The following ELAPOR1 variants were observed in gnomAD, a reference collection of about 807,000 sequenced individuals.
The protein encoded by ELAPOR1 is endosome/lysosome-associated apoptosis and autophagy regulator 1.
A neutral mutation model predicts 119.7 loss-of-function variants in ELAPOR1; 77 were observed. The ratio of observed to expected loss-of-function variants is 0.64; its 90% confidence interval spans 0.54 to 0.78. The LOEUF (loss-of-function observed/expected upper bound fraction) is 0.78. Ranked by LOEUF, ELAPOR1 falls within the 30% of genes least tolerant of loss-of-function variation. The pLI, the probability that ELAPOR1 is intolerant of heterozygous loss-of-function variation, is 0.00. For synonymous variants in ELAPOR1, 481 were observed against 487.2 expected, an observed-to-expected ratio of 0.99 and a Z score of 0.17; for missense variants, 1,115 against 1,270.4, an observed-to-expected ratio of 0.88 and a Z score of 1.86.
chr1:109,132,624 T>A (rs1649218547), intron 1 of ELAPOR1, among the ~76,000 whole-genome samples: 1 of 152,182 alleles, frequency 6.6e-6, no homozygotes, highest in Non-Finnish European at 1.5e-5. Flanking sequence ...TCTGAGACAA[T>A]GATAACTGAG....
At chr1:109,191,124 C>T (rs907832581) in intron 11 of ELAPOR1, among the ~76,000 whole-genome samples, 8 of 152,076 alleles carry the variant, frequency 5.3e-5, no homozygotes, top group African/African-American at 1.9e-4. Flanking sequence ...TTCAGGTCTC[C>T]CCGCGATGAT....
rs545666135 is a variant in ELAPOR1 at position 109,196,709 on chromosome 1, A to C, written c.2122-765A>C. 2.0e-5 allele frequency among the ~76,000 whole-genome samples: 3 copies of C among 147,462 alleles called. No homozygotes were observed. The East Asian group carries it at 5.9e-4, about 29-fold the overall frequency. ...AGCACTTTTTTTTTTTTTGAGGTGG[A>C]GTCTCACTCTTTTGCCAGGCTAGAG... On this transcript the variant is annotated intron_variant, in intron 15 of 21. Transcript: ENST00000369939.
intron 7 of ELAPOR1, among the ~76,000 whole-genome samples, chr1:109,176,995 A>G (rs1305931667): frequency 1.4e-5 from 2 of 138,774 alleles, no homozygotes; most frequent in Non-Finnish European, 3.0e-5. Flanking sequence ...AAAGTCTCCC[A>G]TGTCTACCTC....
At chr1:109,197,395 A>T (rs1653875127) in intron 15 of ELAPOR1, 79 bp from the exon 16 acceptor site, 3 of 1,246,098 alleles carry the variant, frequency 2.4e-6, no homozygotes, top group Admixed American at 3.9e-5. Flanking sequence ...GATGTAAAAA[A>T]GCCTTCCCTA....
At chr1:109,115,326 G>A (rs1558009568) in intron 1 of ELAPOR1, among the ~76,000 whole-genome samples, 3 of 152,198 alleles carry the variant, frequency 2.0e-5, no homozygotes, top group Non-Finnish European at 2.9e-5. Flanking sequence ...TCTGTGAAAT[G>A]TGAAGGACTT....
Position 109,171,862 on chromosome 1 carries a change from A to C in ELAPOR1, c.468-4A>C. On this transcript the variant is annotated splice_region_variant and splice_polypyrimidine_tract_variant and intron_variant, in intron 3 of 21. Coordinates refer to ENST00000369939, the MANE Select transcript of ELAPOR1 (RefSeq NM_020775.5). Reference sequence around the variant, plus strand: ...CTGTGAACCTGGTTCCTGTTCCTTCACAGGTCCAAGTGGGTTCCCCGGGGC... The same window carrying C: ...CTGTGAACCTGGTTCCTGTTCCTTCCCAGGTCCAAGTGGGTTCCCCGGGGC... The C allele has an allele frequency of 6.2e-7, 1 of 1,614,102 alleles. No individual in the cohort carries two copies. Among genetic ancestry groups the C allele is most frequent in the South Asian group, 1.1e-5 (1 of 91,078 alleles).
intron 5 of ELAPOR1, among the ~76,000 whole-genome samples, chr1:109,173,097 C>CAAAAAAAAAAAAAAAAAAA (rs58149393): frequency 1.1e-5 from 1 of 91,938 alleles, no homozygotes. Flanking sequence ...AACTCTGTCT[C>CAAAAAAAAAAAAAAAAAAA]AAAAAAAAAA....
rs575058109 is a variant in ELAPOR1, at chr1:109,188,280, G to A, written c.1145G>A (p.Cys382Tyr). ...ASGVKTHCPPCNPGFFKTNNS... is the reference protein window; with the variant it reads ...ASGVKTHCPPYNPGFFKTNNS... ...GGTGTGAAGACCCACTGCCCACCCT[G>A]CAACCCAGGCTTCTTCAAAACCAAC... The change falls in exon 9 of 22, where the codon TGC becomes TAC. Residue 382 changes from cysteine (C) to tyrosine (Y), a missense_variant. Cys to Tyr is a radical substitution (Grantham distance 194, BLOSUM62 -2). Transcript: ENST00000369939. The A allele has an allele frequency of 6.2e-7, 1 of 1,614,172 alleles. No individual in the cohort carries two copies. The highest frequency in any genetic ancestry group is 1.3e-5 in the African/African-American group (1 of 75,048).
rs1654345269 is a variant in ELAPOR1, at chr1:109,203,987, A to C, written c.*975A>C. The C allele has an allele frequency of 6.6e-6, 1 of 152,102 alleles. No individual in the cohort carries two copies. Among genetic ancestry groups the C allele is most frequent in the African/African-American group, 2.4e-5 (1 of 41,404 alleles). The allele number at this position is 152,102 out of a possible 1,614,324, so 9.4% of individuals were successfully genotyped here. Reference sequence around the variant, plus strand: ...CACCTAGGCTGGAGTGCAGTGGCATAATCACTGTTCAGTGCAGCCTCAAGC... The same window carrying C: ...CACCTAGGCTGGAGTGCAGTGGCATCATCACTGTTCAGTGCAGCCTCAAGC... On this transcript the variant is annotated 3_prime_UTR_variant, in exon 22 of 22. Transcript: ENST00000369939.
At chr1:109,198,529 A>G (rs1238027004) in intron 17 of ELAPOR1, 44 bp from the exon 18 acceptor site, 1 of 1,535,920 alleles carries the variant, frequency 6.5e-7, no homozygotes, top group Non-Finnish European at 8.9e-7. Context: ...CCAATAACAC[A>G]GCTGAGTGAC....
chr1:109,159,364 C>T lies in ELAPOR1; in HGVS notation c.154-2530C>T, dbSNP rs116113561. 6.4e-3 allele frequency among the ~76,000 whole-genome samples: 973 copies of T among 152,308 alleles called. 8 individuals are homozygous for T. The highest frequency in any genetic ancestry group is 0.022 in the African/African-American group (909 of 41,570). Reference sequence around the variant, plus strand: ...ACCACCATTTCCTCAGCAAACCTCCCACCTGAGTGAGACCCAGGGGACATC... The same window carrying T: ...ACCACCATTTCCTCAGCAAACCTCCTACCTGAGTGAGACCCAGGGGACATC... On this transcript the variant is annotated intron_variant, in intron 1 of 21. Transcript: ENST00000369939.
chr1:109,136,431 G>A (rs1165249269), intron 1 of ELAPOR1, among the ~76,000 whole-genome samples: 2 of 152,126 alleles, frequency 1.3e-5, no homozygotes, highest in Admixed American at 6.5e-5. Context: ...TGTGGCTTCC[G>A]AAGGAACCAG....
rs745433683 is a variant in ELAPOR1, at chr1:109,164,509, C to T, written c.285C>T (p.Cys95=). 1 of 1,609,680 alleles carries T rather than the reference C, an allele frequency of 6.2e-7. No individual in the cohort carries two copies. The highest frequency in any genetic ancestry group is 1.3e-5 in the African/African-American group (1 of 74,998). The change falls in exon 3 of 22, where the codon TGC becomes TGT. Residue 95 remains cysteine (C), a synonymous_variant. Transcript: ENST00000369939. Reference sequence around the variant, plus strand: ...TGCCCTGTTTTCCAGCCTTCTCCTGCAACGCCGGGGAGTTTCTGGATATGA... The same window carrying T: ...TGCCCTGTTTTCCAGCCTTCTCCTGTAACGCCGGGGAGTTTCTGGATATGA... ...PIKGTECSFS[C]NAGEFLDMKD...
chr1:109,133,773 G>T (rs1456046340), intron 1 of ELAPOR1, among the ~76,000 whole-genome samples: 1 of 152,184 alleles, frequency 6.6e-6, no homozygotes, highest in Non-Finnish European at 1.5e-5. Context: ...GAAATAGATA[G>T]CTTGTTTATC....
chr1:109,115,645 A>G (rs145533453), intron 1 of ELAPOR1, among the ~76,000 whole-genome samples: 2,040 of 152,310 alleles, frequency 0.013, 24 homozygotes, highest in Admixed American at 0.024. Flanking sequence ...ATGGAGATAA[A>G]TTCTTATAAA....
chr1:109,164,752 A>T, intron 3 of ELAPOR1, 61 bp downstream of exon 3: 3 of 1,489,486 alleles, frequency 2.0e-6, no homozygotes, highest in Non-Finnish European at 2.8e-6. Flanking sequence ...TACAGGGCAC[A>T]CTGGACAGCC....
intron 1 of ELAPOR1, among the ~76,000 whole-genome samples, chr1:109,120,521 C>G (rs1221379875): frequency 6.6e-6 from 1 of 152,190 alleles, no homozygotes; most frequent in Non-Finnish European, 1.5e-5. Flanking sequence ...GACGCCTAAT[C>G]TGCTGGTGCC....
intron 7 of ELAPOR1, among the ~76,000 whole-genome samples, chr1:109,176,146 T>C (rs1477682441): frequency 6.6e-6 from 1 of 152,176 alleles, no homozygotes; most frequent in Non-Finnish European, 1.5e-5. Flanking sequence ...TGTTTGAGGA[T>C]AGCTTCCTAA....
chr1:109,126,908 A>C (rs1238500098), intron 1 of ELAPOR1, among the ~76,000 whole-genome samples: 2 of 152,226 alleles, frequency 1.3e-5, no homozygotes, highest in Non-Finnish European at 2.9e-5. Flanking sequence ...GGCCAGGCTC[A>C]AGAGCTTGTC....
Sources: allele counts gnomAD v4.1 joint callset (sites outside exome capture counted in the v4.1 genomes callset), GRCh38; gene constraint gnomAD v4.1.1; transcripts MANE v1.5; gene names NCBI Gene and HGNC (gene_info 2026-07-23, HGNC 2026-07-21).